SVOPL: variants seen among roughly 807,000 people sequenced by gnomAD.
SVOPL encodes the protein putative transporter SVOPL.
SVOPL carries 60 observed loss-of-function variants against 61.0 expected under a neutral mutation model. That is an observed-to-expected ratio of 0.98 (90% CI 0.80 to 1.22). The LOEUF (loss-of-function observed/expected upper bound fraction) is 1.22, where lower values mean the gene tolerates loss of function less well. Ranked by LOEUF, SVOPL falls within the 50% of genes most tolerant of loss-of-function variation. SVOPL has a pLI of 0.00. For missense variants in SVOPL, 662 were observed against 643.9 expected (o/e 1.03, Z -0.30); for synonymous variants, 279 against 250.0 (o/e 1.12, Z -1.09).
chr7:138,622,274 C>CTATG lies in SVOPL; in HGVS notation c.1264-1140_1264-1139insCATA, dbSNP rs1360401092. Among the ~76,000 whole-genome samples the CTATG allele has an allele frequency of 5.8e-5, 6 of 103,714 alleles. 1 individual carries two copies. The highest frequency in any genetic ancestry group is 9.9e-5 in the Non-Finnish European group (5 of 50,362). The allele number at this position is 103,714 out of a possible 152,430, so 68.0% of individuals were successfully genotyped here. A position where few individuals can be genotyped will look rare whatever the true frequency, so the allele number is the denominator to read the frequency against. On this transcript the variant is annotated intron_variant, in intron 13 of 15. Coordinates refer to ENST00000674285, the MANE Select transcript of SVOPL (RefSeq NM_001139456.2). ...TCTATGTATCTATCTATCTATGTAT[C>CTATG]TATCTATCTATCTATCTATCTATCT... is the stretch of plus-strand genomic sequence containing the variant.
intron 7 of SVOPL, among the ~76,000 whole-genome samples, chr7:138,654,199 G>C (rs1327267498): frequency 6.6e-6 from 1 of 151,282 alleles, no homozygotes; most frequent in Non-Finnish European, 1.5e-5. Context: ...AATAAGTCCT[G>C]GTGTTTGCTA....
chr7:138,596,420 G>C lies in SVOPL; in HGVS notation c.1464C>G (p.Leu488=), dbSNP rs746456994. The C allele has an allele frequency of 6.2e-7, 1 of 1,613,658 alleles. No individual in the cohort carries two copies. Among genetic ancestry groups the C allele is most frequent in the Admixed American group, 1.7e-5 (1 of 59,986 alleles). Reference sequence around the variant, plus strand: ...CAGAGTTCCCTGCATCACTCACCTGGAGGGCCCGTCCTTTGGTTTCGATGG... The same window carrying C: ...CAGAGTTCCCTGCATCACTCACCTGCAGGGCCCGTCCTTTGGTTTCGATGG... ...TLPIETKGRA[L]QQIK is the part of the protein sequence containing the mutation. The change falls in exon 15 of 16, where the codon CTC becomes CTG. Residue 488 remains leucine (L), a synonymous_variant. Transcript: ENST00000674285.
rs1213800768 is a variant in SVOPL at position 138,689,378 on chromosome 7, T to C, written c.-34-10299A>G. 17 of 1,562,764 alleles carry C rather than the reference T, an allele frequency of 1.1e-5. No homozygotes were observed. The Admixed American group carries it at 2.2e-4, about 20-fold the overall frequency. ...TGCGCCGCCGGATCGACAGAGCTTATGGTCGGATTTACCCATGCATGAGCT... is the reference window on the plus strand; with the variant it reads ...TGCGCCGCCGGATCGACAGAGCTTACGGTCGGATTTACCCATGCATGAGCT... On this transcript the variant is annotated intron_variant, in intron 1 of 15. Transcript: ENST00000674285.
intron 5 of SVOPL, chr7:138,662,458 A>G (rs1802042527): frequency 1.0e-6 from 1 of 985,242 alleles, no homozygotes; most frequent in African/African-American, 1.7e-5. Flanking sequence ...TAGAGACTTT[A>G]TGGACACTCA....
At chr7:138,658,557 G>A (rs1455406509) in intron 6 of SVOPL, among the ~76,000 whole-genome samples, 2 of 152,110 alleles carry the variant, frequency 1.3e-5, no homozygotes, top group Non-Finnish European at 2.9e-5. Context: ...GATTACAGAT[G>A]CGAGCCACCA....
chr7:138,651,284 C>T (rs1047511748), intron 7 of SVOPL, among the ~76,000 whole-genome samples: 1 of 152,150 alleles, frequency 6.6e-6, no homozygotes, highest in Non-Finnish European at 1.5e-5. Flanking sequence ...GTTCTAAATG[C>T]TATTGGATGA....
At chr7:138,639,362 C>T (rs1383570007) in intron 9 of SVOPL, among the ~76,000 whole-genome samples, 1 of 151,994 alleles carries the variant, frequency 6.6e-6, no homozygotes, top group Non-Finnish European at 1.5e-5. Flanking sequence ...CACAGTGGCT[C>T]ATGCCTGTAA....
chr7:138,626,782 G>A (rs1444129853), intron 12 of SVOPL, among the ~76,000 whole-genome samples: 1 of 151,922 alleles, frequency 6.6e-6, no homozygotes, highest in African/African-American at 2.4e-5. Context: ...GGAGTTAGAG[G>A]CTGCAGTGAG....
In SVOPL at chr7:138,596,412, C is replaced by G; in HGVS notation, c.1467+5G>C. The stretch of plus-strand genomic sequence containing the variant: ...AAAGACTTCAGAGTTCCCTGCATCA[C>G]TCACCTGGAGGGCCCGTCCTTTGGT... On this transcript the variant is annotated splice_donor_5th_base_variant and intron_variant, in intron 15 of 15. Coordinates refer to ENST00000674285, the MANE Select transcript of SVOPL (RefSeq NM_001139456.2). 1 of 1,613,410 alleles carries G rather than the reference C, an allele frequency of 6.2e-7. No individual in the cohort carries two copies. The highest frequency in any genetic ancestry group is 1.1e-5 in the South Asian group (1 of 90,976).
At chr7:138,629,668 C>T (rs1800081148) in intron 10 of SVOPL, among the ~76,000 whole-genome samples, 1 of 152,160 alleles carries the variant, frequency 6.6e-6, no homozygotes, top group South Asian at 2.1e-4. Context: ...CAAGGTCATG[C>T]TGCAGAGAAA....
intron 1 of SVOPL, among the ~76,000 whole-genome samples, chr7:138,685,604 A>C (rs1191758339): frequency 6.6e-6 from 1 of 152,196 alleles, no homozygotes; most frequent in Non-Finnish European, 1.5e-5. Flanking sequence ...TGTTCTTATC[A>C]CAAAAATAAT....
At chr7:138,602,602 C>G (rs1452512811) in intron 14 of SVOPL, among the ~76,000 whole-genome samples, 1 of 152,106 alleles carries the variant, frequency 6.6e-6, no homozygotes, top group South Asian at 2.1e-4. Flanking sequence ...CACTCCTCCC[C>G]CTTCCTTTTG....
chr7:138,646,924 T>C (rs1400208431), intron 8 of SVOPL, among the ~76,000 whole-genome samples: 1 of 152,174 alleles, frequency 6.6e-6, no homozygotes. Flanking sequence ...CTGTGTGTGA[T>C]TCTCAGCAAA....
intron 9 of SVOPL, among the ~76,000 whole-genome samples, chr7:138,636,702 C>T (rs529785180): frequency 1.3e-5 from 2 of 151,952 alleles, no homozygotes; most frequent in African/African-American, 4.8e-5. Flanking sequence ...AACTCTTGGC[C>T]TCAGGTGACC....
intron 5 of SVOPL, chr7:138,660,253 C>T: frequency 8.5e-7 from 1 of 1,171,484 alleles, no homozygotes; most frequent in Admixed American, 4.2e-5. Context: ...GGTCCCTGAA[C>T]TTGGACATCA....
chr7:138,600,519 T>A (rs536222332), intron 14 of SVOPL, among the ~76,000 whole-genome samples: 1 of 150,796 alleles, frequency 6.6e-6, no homozygotes, highest in South Asian at 2.1e-4. Context: ...GAAGGATCGC[T>A]GGAGCCCAGG....
intron 4 of SVOPL, among the ~76,000 whole-genome samples, chr7:138,664,502 C>A (rs1348724936): frequency 6.9e-5 from 10 of 145,174 alleles, no homozygotes; most frequent in Admixed American, 6.8e-4. Context: ...AAGCCCCTGA[C>A]CCTTTATCGG....
chr7:138,678,335 G>T, intron 3 of SVOPL, 99 bp downstream of exon 3: 1 of 1,311,320 alleles, frequency 7.6e-7, no homozygotes, highest in Non-Finnish European at 1.0e-6. Context: ...TGAGGGCTGT[G>T]TCACAGGCCA....
At position 138,622,090 on chromosome 7, in the gene SVOPL, GTATC is replaced by G. The variant is rs1206508941; in HGVS notation, c.1264-959_1264-956del. Among the ~76,000 whole-genome samples the G allele has an allele frequency of 1.1e-3, 40 of 35,882 alleles. 4 individuals carry two copies. Among genetic ancestry groups the G allele is most frequent in the African/African-American group, 3.0e-3 (21 of 6,950 alleles). 23.5% of individuals were successfully genotyped at this position (35,882 alleles called of 152,430 possible). On this transcript the variant is annotated intron_variant, in intron 13 of 15. Transcript: ENST00000674285. ...TCTATGTATCTATCTATCTATCTAT[GTATC>G]TATCTATCTATCTATCTATCTATCT...
Sources: allele counts gnomAD v4.1 joint callset (sites outside exome capture counted in the v4.1 genomes callset), GRCh38; gene constraint gnomAD v4.1.1; transcripts MANE v1.5; gene names NCBI Gene and HGNC (gene_info 2026-07-23, HGNC 2026-07-21).